BRINP2: variants seen among roughly 807,000 people sequenced by gnomAD.
BRINP2 encodes BMP/retinoic acid-inducible neural-specific protein 2.
In BRINP2, 21 loss-of-function variants were observed where a neutral mutation model predicts 69.2. The ratio of observed to expected loss-of-function variants is 0.30; its 90% CI spans 0.22 to 0.44. The LOEUF (loss-of-function observed/expected upper bound fraction) is 0.44. Among genes scored for constraint, BRINP2 ranks in the 20% least tolerant of loss-of-function variants. The pLI is 1.00. For synonymous variants in BRINP2, 380 were observed against 394.1 expected (o/e 0.96, Z 0.42); for missense variants, 877 against 986.0 (o/e 0.89, Z 1.48).
At chr1:177,267,023 AG>A (rs1456884003) in intron 4 of BRINP2, among the ~76,000 whole-genome samples, 1 of 152,176 alleles carries the variant, frequency 6.6e-6, no homozygotes, top group Non-Finnish European at 1.5e-5. Context: ...TACTGTGGGC[AG>A]TGGGTAAAGG....
intron 1 of BRINP2, among the ~76,000 whole-genome samples, chr1:177,200,236 G>T (rs12030733): frequency 6.9e-6 from 1 of 144,686 alleles, no homozygotes; most frequent in Non-Finnish European, 1.5e-5. Flanking sequence ...AGGTTGCAGT[G>T]AGCTGAGATT....
intron 1 of BRINP2, among the ~76,000 whole-genome samples, chr1:177,221,475 G>A (rs557374823): frequency 5.4e-4 from 82 of 152,240 alleles, no homozygotes; most frequent in African/African-American, 1.9e-3. Context: ...TTTAAATAAC[G>A]TATTGCACTT....
chr1:177,196,009 A>T (rs878966281), intron 1 of BRINP2, among the ~76,000 whole-genome samples: 1 of 152,194 alleles, frequency 6.6e-6, no homozygotes, highest in Admixed American at 6.5e-5. Context: ...TTTTGATGAC[A>T]CGCTGAATAT....
At chr1:177,260,287 A>G (rs1650902523) in intron 4 of BRINP2, among the ~76,000 whole-genome samples, 1 of 152,262 alleles carries the variant, frequency 6.6e-6, no homozygotes, top group Non-Finnish European at 1.5e-5. Context: ...ATCTTATGAT[A>G]AAATGTGAAT....
intron 1 of BRINP2, among the ~76,000 whole-genome samples, chr1:177,208,019 C>G (rs1649114170): frequency 6.6e-6 from 1 of 151,130 alleles, no homozygotes. Flanking sequence ...TGGTTACAAC[C>G]TGCACTCTGG....
At chr1:177,230,270 G>C in intron 2 of BRINP2, 125 bp downstream of exon 2, 2 of 1,058,236 alleles carry the variant, frequency 1.9e-6, no homozygotes, top group South Asian at 4.2e-5. Context: ...AGAGGTGAAA[G>C]CTGGAGGAAC....
At position 177,280,835 on chromosome 1, in the gene BRINP2, C is replaced by A. The variant is rs773095070; in HGVS notation, c.1659C>A (p.Thr553=). The A allele has an allele frequency of 3.4e-5, 55 of 1,613,870 alleles. No individual in the cohort carries two copies. Among genetic ancestry groups the A allele is most frequent in the Non-Finnish European group, 3.3e-5 (39 of 1,179,936 alleles). ...DPSWRKRMLL[T]LKSNKYKPGL... Reference sequence around the variant, plus strand: ...CCTGGAGGAAGCGCATGCTGCTCACCCTGAAGAGCAACAAGTACAAGCCTG... The same window carrying A: ...CCTGGAGGAAGCGCATGCTGCTCACACTGAAGAGCAACAAGTACAAGCCTG... The change falls in exon 8 of 8, where the codon ACC becomes ACA. Residue 553 remains threonine, a synonymous_variant. Coordinates refer to ENST00000361539, the MANE Select transcript of BRINP2 (RefSeq NM_021165.4).
intron 1 of BRINP2, among the ~76,000 whole-genome samples, chr1:177,176,861 G>C (rs1648103253): frequency 6.6e-6 from 1 of 152,098 alleles, no homozygotes; most frequent in Non-Finnish European, 1.5e-5. Context: ...CCGGTGGGTG[G>C]CTTGGTAATT....
Position 177,178,777 on chromosome 1 carries a change from G to C in BRINP2, c.-77+7045G>C, listed in dbSNP as rs1648161773. 2.0e-5 allele frequency among the ~76,000 whole-genome samples: 3 copies of C among 152,066 alleles called. No homozygotes were observed. In the South Asian group the frequency reaches 6.2e-4, roughly 32 times the overall value. On this transcript the variant is annotated intron_variant, in intron 1 of 7. Transcript: ENST00000361539. ...TATATTATTAAGAGTGTGTAGTGCT[G>C]GGTCATATTCCTAGGCACTGAGGAT...
chr1:177,175,291 G>T (rs183513992), intron 1 of BRINP2, among the ~76,000 whole-genome samples: 43 of 112,980 alleles, frequency 3.8e-4, no homozygotes, highest in Middle Eastern at 4.5e-3. Flanking sequence ...AAAGCGGGGT[G>T]GGGGGGGCAG....
chr1:177,261,497 A>T (rs960773703), intron 4 of BRINP2, among the ~76,000 whole-genome samples: 1 of 152,234 alleles, frequency 6.6e-6, no homozygotes, highest in Non-Finnish European at 1.5e-5. Context: ...ATTTACTGAG[A>T]AGGACAACAC....
intron 1 of BRINP2, among the ~76,000 whole-genome samples, chr1:177,202,175 G>C (rs557715660): frequency 6.6e-6 from 1 of 152,118 alleles, no homozygotes; most frequent in East Asian, 1.9e-4. Context: ...TTGATTTTTT[G>C]AAGGGTTTTT....
intron 1 of BRINP2, among the ~76,000 whole-genome samples, chr1:177,173,832 C>A (rs1262027893): frequency 1.3e-5 from 2 of 152,222 alleles, no homozygotes; most frequent in African/African-American, 2.4e-5. Context: ...AACTCACAAA[C>A]AAGAGGTAAT....
intron 7 of BRINP2, among the ~76,000 whole-genome samples, chr1:177,279,107 C>A (rs191188163): frequency 5.2e-4 from 79 of 152,138 alleles, no homozygotes; most frequent in African/African-American, 1.8e-3. Flanking sequence ...AAATTTCATC[C>A]AGCAATTGCA....
chr1:177,266,758 T>TAAAAAAAAAAAAAAA (rs1223096305), intron 4 of BRINP2, among the ~76,000 whole-genome samples: 8 of 59,284 alleles, frequency 1.3e-4, no homozygotes, highest in Non-Finnish European at 1.7e-4. Context: ...AGACTCACTC[T>TAAAAAAAAAAAAAAA]AAAAAAAAAA....
chr1:177,220,104 A>G (rs1649481330), intron 1 of BRINP2, among the ~76,000 whole-genome samples: 1 of 152,248 alleles, frequency 6.6e-6, no homozygotes, highest in South Asian at 2.1e-4. Flanking sequence ...AGGAGGTCCA[A>G]TGGCTAGAAT....
At chr1:177,250,484 G>A (rs545110486) in intron 2 of BRINP2, among the ~76,000 whole-genome samples, 5 of 152,170 alleles carry the variant, frequency 3.3e-5, no homozygotes, top group East Asian at 1.9e-4. Flanking sequence ...CTGCCATTGC[G>A]CCCGGCTAAT....
At chr1:177,239,581 G>A (rs1324791080) in intron 2 of BRINP2, among the ~76,000 whole-genome samples, 4 of 152,298 alleles carry the variant, frequency 2.6e-5, no homozygotes, top group Middle Eastern at 3.4e-3. Context: ...ATATTTCAGG[G>A]AGTATTTTCA....
At chr1:177,273,636 T>TA (rs1380612202) in intron 5 of BRINP2, 43 bp downstream of exon 5, 2 of 1,255,790 alleles carry the variant, frequency 1.6e-6, no homozygotes, top group Non-Finnish European at 2.1e-6. Context: ...CACACCTGAT[T>TA]TAAAAAAAAA....
Sources: allele counts gnomAD v4.1 joint callset (sites outside exome capture counted in the v4.1 genomes callset), GRCh38; gene constraint gnomAD v4.1.1; transcripts MANE v1.5; gene names NCBI Gene and HGNC (gene_info 2026-07-23, HGNC 2026-07-21).